The following BIRC6 variants were observed in gnomAD, a reference collection of about 807,000 sequenced individuals.
The protein encoded by BIRC6 is baculoviral IAP repeat containing 6.
BIRC6 carries 98 observed loss-of-function variants against 503.3 expected under a neutral mutation model. That is an observed-to-expected ratio of 0.19 (90% confidence interval 0.17 to 0.23). The LOEUF is 0.23. Among genes scored for constraint, BIRC6 ranks in the 10% least tolerant of loss-of-function variants. The pLI is 1.00. For synonymous variants in BIRC6, 2,240 were observed against 2,078.7 expected (o/e 1.08, Z -2.11); for missense variants, 5,360 against 5,806.0 (o/e 0.92, Z 2.50).
intron 26 of BIRC6, 52 bp from the exon 27 acceptor site, chr2:32,467,473 C>T: frequency 7.2e-7 from 1 of 1,382,590 alleles, no homozygotes; most frequent in Non-Finnish European, 1.0e-6. Context: ...TTGAGTGTAT[C>T]ATTTGGTTAA....
In BIRC6 at chr2:32,513,119, T is replaced by C. The variant is rs1242611428; in HGVS notation, c.10533T>C (p.Tyr3511=). ...LWHSYELLVE[Y]DLPALLDQEL... ...ATAGTTATGAGCTGCTTGTAGAATATGACTTACCAGCACTCCTGGACCAAG... is the reference window on the plus strand; with the variant it reads ...ATAGTTATGAGCTGCTTGTAGAATACGACTTACCAGCACTCCTGGACCAAG... The change falls in exon 54 of 74, where the codon TAT becomes TAC. Residue 3511 remains tyrosine, a synonymous_variant. Coordinates refer to ENST00000421745, the MANE Select transcript of BIRC6 (RefSeq NM_016252.4). 1 of 1,613,876 alleles carries C rather than the reference T, an allele frequency of 6.2e-7. No homozygotes were observed. Among genetic ancestry groups the C allele is most frequent in the Non-Finnish European group, 8.5e-7 (1 of 1,179,844 alleles).
At chr2:32,607,966 C>T (rs2062578463) in intron 72 of BIRC6, among the ~76,000 whole-genome samples, 1 of 89,680 alleles carries the variant, frequency 1.1e-5, no homozygotes, top group South Asian at 4.6e-4. Context: ...CAGAGCAAGA[C>T]TCCATCTCCA....
chr2:32,382,108 C>G, intron 3 of BIRC6, among the ~76,000 whole-genome samples: 1 of 152,108 alleles, frequency 6.6e-6, no homozygotes, highest in Non-Finnish European at 1.5e-5. Flanking sequence ...ACAGAGATAA[C>G]TATAGGAAGC....
At chr2:32,409,749 A>G (rs564850295) in intron 9 of BIRC6, among the ~76,000 whole-genome samples, 2 of 152,356 alleles carry the variant, frequency 1.3e-5, no homozygotes, top group South Asian at 4.1e-4. Flanking sequence ...AATAAGCAGA[A>G]TAGAGAAGGG....
chr2:32,461,002 CTTCTCTTCTCTTCTCT>C (rs1177137394), intron 23 of BIRC6, among the ~76,000 whole-genome samples: 10 of 21,764 alleles, frequency 4.6e-4, no homozygotes, highest in Non-Finnish European at 9.8e-4. Context: ...GCTCTGCTCT[CTTCTCTTCTCTTCTCT>C]TCTCTTCTCT....
intron 51 of BIRC6, 106 bp downstream of exon 51, chr2:32,508,365 G>A: frequency 5.3e-6 from 7 of 1,323,462 alleles, no homozygotes; most frequent in Non-Finnish European, 6.9e-6. Flanking sequence ...TAGGTCTTAG[G>A]AAGGTCTTTG....
intron 62 of BIRC6, among the ~76,000 whole-genome samples, chr2:32,544,592 G>C (rs535782915): frequency 1.7e-4 from 25 of 150,972 alleles, no homozygotes; most frequent in Admixed American, 2.6e-4. Flanking sequence ...TTTGATTAGG[G>C]TCGATTTCTT....
At chr2:32,525,753 A>ACTT in intron 59 of BIRC6, 125 bp downstream of exon 59, 2 of 892,218 alleles carry the variant, frequency 2.2e-6, no homozygotes, top group South Asian at 3.6e-5. Flanking sequence ...AGTTAGTGAG[A>ACTT]CTTCTTCCAT....
intron 69 of BIRC6, 41 bp from the exon 70 acceptor site, chr2:32,599,698 G>A: frequency 6.4e-7 from 1 of 1,570,860 alleles, no homozygotes; most frequent in Non-Finnish European, 8.7e-7. Context: ...TCAGTGTTTA[G>A]GAATGTTAAC....
chr2:32,396,736 T>C (rs944439475), intron 6 of BIRC6, among the ~76,000 whole-genome samples: 12 of 152,278 alleles, frequency 7.9e-5, no homozygotes, highest in Non-Finnish European at 1.3e-4. Context: ...ACATTTTTTT[T>C]CCCTTCAGAT....
intron 46 of BIRC6, among the ~76,000 whole-genome samples, chr2:32,500,827 A>G (rs1203317432): frequency 2.7e-5 from 4 of 148,566 alleles, no homozygotes; most frequent in Non-Finnish European, 4.5e-5. Flanking sequence ...CTGGTCTTGA[A>G]CTCCTGACCT....
At chr2:32,605,100 C>G (rs1490247354) in intron 71 of BIRC6, among the ~76,000 whole-genome samples, 1 of 152,098 alleles carries the variant, frequency 6.6e-6, no homozygotes, top group Non-Finnish European at 1.5e-5. Flanking sequence ...CCAGGATGGC[C>G]TCGAGCCCCT....
At chr2:32,504,303 T>C (rs763210524) in intron 49 of BIRC6, among the ~76,000 whole-genome samples, 1 of 152,116 alleles carries the variant, frequency 6.6e-6, no homozygotes, top group Non-Finnish European at 1.5e-5. Flanking sequence ...TTCTAAATCA[T>C]AGACATTGAC....
chr2:32,484,300 C>T (rs1466190177), intron 39 of BIRC6, among the ~76,000 whole-genome samples: 1 of 151,826 alleles, frequency 6.6e-6, no homozygotes, highest in Non-Finnish European at 1.5e-5. Flanking sequence ...CGCCTGTAAT[C>T]CCAGCACTTG....
At position 32,468,564 on chromosome 2, in the gene BIRC6, G is replaced by T. The variant is rs772219093; in HGVS notation, c.5908G>T (p.Val1970Phe). 2.5e-6 allele frequency: 4 copies of T among 1,613,988 alleles called. No individual in the cohort carries two copies. Among genetic ancestry groups the T allele is most frequent in the Non-Finnish European group, 2.5e-6 (3 of 1,179,878 alleles). Reference sequence around the variant, plus strand: ...TAAGGCAGTTGAGGAAGACAGTAGGGTTTTTTCTGCTTATCAAGATTGTAT... The same window carrying T: ...TAAGGCAGTTGAGGAAGACAGTAGGTTTTTTTCTGCTTATCAAGATTGTAT... ...PDKAVEEDSR[V>F]FSAYQDCIQL... The change falls in exon 29 of 74, where the codon GTT (valine) becomes TTT (phenylalanine). Residue 1970 changes from valine to phenylalanine, a missense_variant. Physicochemically the swap from Val to Phe is conservative, Grantham distance 50. This residue lies in a region of BIRC6 where 2,299 missense variants were observed against 2,267.2 expected (regional missense o/e 1.01). Coordinates refer to ENST00000421745, the MANE Select transcript of BIRC6 (RefSeq NM_016252.4).
chr2:32,378,987 T>C (rs1000146207), intron 2 of BIRC6: 1 of 152,222 alleles, frequency 6.6e-6, no homozygotes, highest in Non-Finnish European at 1.5e-5. Context: ...TTGTGTTCTA[T>C]AATAAAGTGA....
intron 39 of BIRC6, among the ~76,000 whole-genome samples, chr2:32,483,303 C>T (rs942415201): frequency 2.0e-5 from 3 of 152,094 alleles, no homozygotes; most frequent in African/African-American, 4.8e-5. Context: ...TTCAACGCTG[C>T]TCCTTCTGTT....
chr2:32,578,197 G>C (rs1000363872), intron 66 of BIRC6, among the ~76,000 whole-genome samples: 1 of 152,110 alleles, frequency 6.6e-6, no homozygotes, highest in African/African-American at 2.4e-5. Flanking sequence ...CAGCTTCACA[G>C]AGAGAGTAAA....
At chr2:32,436,347 C>G (rs2044694710) in intron 15 of BIRC6, among the ~76,000 whole-genome samples, 163 bp downstream of exon 15, 1 of 152,190 alleles carries the variant, frequency 6.6e-6, no homozygotes. Context: ...CATAAAGTAA[C>G]TAACTGTATG....
Sources: allele counts gnomAD v4.1 joint callset (sites outside exome capture counted in the v4.1 genomes callset), GRCh38; gene constraint gnomAD v4.1.1; regional missense constraint gnomAD v4.1.1; transcripts MANE v1.5; gene names NCBI Gene and HGNC (gene_info 2026-07-23, HGNC 2026-07-21).